KCNQ2: variants seen among roughly 807,000 people sequenced by gnomAD.
KCNQ2 encodes potassium voltage-gated channel subfamily KQT member 2.
A neutral mutation model predicts 84.8 loss-of-function variants in KCNQ2; 14 were observed. The ratio of observed to expected loss-of-function variants is 0.17; its 90% CI spans 0.11 to 0.26. The LOEUF (loss-of-function observed/expected upper bound fraction) is 0.26. Among genes scored for constraint, KCNQ2 ranks in the 10% least tolerant of loss-of-function variants. KCNQ2 has a pLI of 1.00. For missense variants in KCNQ2, 788 were observed against 1,254.0 expected (o/e 0.63, Z 5.61); for synonymous variants, 599 against 554.1 (o/e 1.08, Z -1.14).
intron 15 of KCNQ2, chr20:63,411,160 G>A: frequency 2.7e-6 from 1 of 374,278 alleles, no homozygotes; most frequent in Non-Finnish European, 5.3e-6. Flanking sequence ...GCGCACGCCT[G>A]TGCCGGGCAC....
chr20:63,405,758 C>G lies in KCNQ2; in HGVS notation c.*886G>C, dbSNP rs1367496228. 7.2e-5 allele frequency: 11 copies of G among 152,392 alleles called. No homozygotes were observed. Among genetic ancestry groups the G allele is most frequent in the Admixed American group, 6.5e-4 (10 of 15,288 alleles). 9.4% of individuals were successfully genotyped at this position (152,392 alleles called of 1,614,324 possible). A position where few individuals can be genotyped will look rare whatever the true frequency, so the allele number is the denominator to read the frequency against. On this transcript the variant is annotated 3_prime_UTR_variant, in exon 17 of 17. Coordinates refer to ENST00000359125, the MANE Select transcript of KCNQ2 (RefSeq NM_172107.4). Reference sequence around the variant, plus strand: ...AGGGGAGGACTTGGGGTCCTGCCCCCCCGGTCTCCAAGGCTGGGGTGCTGC... The same window carrying G: ...AGGGGAGGACTTGGGGTCCTGCCCCGCCGGTCTCCAAGGCTGGGGTGCTGC...
At chr20:63,412,792 C>T (rs1315323013) in intron 15 of KCNQ2, among the ~76,000 whole-genome samples, 1 of 152,206 alleles carries the variant, frequency 6.6e-6, no homozygotes, top group Non-Finnish European at 1.5e-5. Context: ...AGGAGCATGT[C>T]CCCTACTGCA....
chr20:63,408,063 G>A lies in KCNQ2; in HGVS notation c.1887+350C>T. Reference sequence around the variant, plus strand: ...GCACCCCCAGAAGACAGCGGCCAGGGTGTCGGGCAAGGAGGACAGAGAGGA... The same window carrying A: ...GCACCCCCAGAAGACAGCGGCCAGGATGTCGGGCAAGGAGGACAGAGAGGA... On this transcript the variant is annotated intron_variant, in intron 16 of 16. Transcript: ENST00000359125. This position sits in a 1 kb window ranked among gnomAD's most constrained non-coding sequence, Gnocchi z 5.0. 1 of 337,114 alleles carries A rather than the reference G, an allele frequency of 3.0e-6. No homozygotes were observed. Among genetic ancestry groups the A allele is most frequent in the South Asian group, 2.9e-5 (1 of 34,978 alleles). The allele number at this position is 337,114 out of a possible 1,614,324, so 20.9% of individuals were successfully genotyped here.
intron 10 of KCNQ2, among the ~76,000 whole-genome samples, chr20:63,427,548 G>T (rs2080669639): frequency 6.6e-6 from 1 of 152,232 alleles, no homozygotes; most frequent in African/African-American, 2.4e-5. Context: ...GGCGGGGCCT[G>T]CTCCCTCCGA....
intron 1 of KCNQ2, among the ~76,000 whole-genome samples, chr20:63,466,880 C>T (rs188577610): frequency 2.0e-5 from 3 of 152,348 alleles, no homozygotes; most frequent in East Asian, 1.9e-4. Context: ...CCACAGACCG[C>T]GCACACACGA....
At chr20:63,439,794 G>C (rs1735934909) in intron 5 of KCNQ2, 86 bp from the exon 6 acceptor site, 1 of 1,007,336 alleles carries the variant, frequency 9.9e-7, no homozygotes, top group Non-Finnish European at 1.6e-6. Flanking sequence ...CTCGGGGCTT[G>C]GGATGGGACA....
chr20:63,443,423 ATCATCACCATCAC>A (rs2145764039), intron 4 of KCNQ2, among the ~76,000 whole-genome samples: 1 of 51,560 alleles, frequency 1.9e-5, no homozygotes, highest in South Asian at 7.9e-4. Flanking sequence ...CATCACCACC[ATCATCACCATCAC>A]CATCACCACC....
chr20:63,434,047 C>T (rs1026318218), intron 7 of KCNQ2, 144 bp from the exon 8 acceptor site: 2 of 672,144 alleles, frequency 3.0e-6, no homozygotes, highest in Admixed American at 2.7e-5. Flanking sequence ...AGGCCAGGCC[C>T]CAGTGCTGCA....
rs541091752 is a variant in KCNQ2, at chr20:63,423,412, GCAC to G, written c.1247+762_1247+764del. 1,255 of 152,354 alleles carry G rather than the reference GCAC, an allele frequency of 8.2e-3. 8 individuals are homozygous for G. The highest frequency in any genetic ancestry group is 0.016 in the Admixed American group (242 of 15,298). The allele number at this position is 152,354 out of a possible 1,614,324, so 9.4% of individuals were successfully genotyped here. On this transcript the variant is annotated intron_variant, in intron 11 of 16. Transcript: ENST00000359125. Reference sequence around the variant, plus strand: ...GGCACAGGGGGCCCAGAGAAGCCTAGCACCTCCTCAGGGTGATGTGTCGGGGGC... The same window carrying G: ...GGCACAGGGGGCCCAGAGAAGCCTAGCTCCTCAGGGTGATGTGTCGGGGGC...
rs953730582 is a variant in KCNQ2 at position 63,430,213 on chromosome 20, C to T, written c.1148+1127G>A. On this transcript the variant is annotated intron_variant, in intron 9 of 16. Transcript: ENST00000359125. ...GCCAGGGCAGGACGGAGCTGTGGGA[C>T]GAGGGTGCAACAAGGGGAGGGGGCG... 6.6e-5 allele frequency among the ~76,000 whole-genome samples: 10 copies of T among 152,168 alleles called. No homozygotes were observed. In the East Asian group the frequency reaches 1.6e-3, roughly 24 times the overall value.
chr20:63,410,046 C>A, intron 15 of KCNQ2: 1 of 271,708 alleles, frequency 3.7e-6, no homozygotes. Flanking sequence ...AGGCTCGCGT[C>A]GGCCACAGTG....
intron 15 of KCNQ2, 104 bp downstream of exon 15, chr20:63,413,346 C>G (rs774115285): frequency 1.4e-6 from 2 of 1,428,672 alleles, no homozygotes; most frequent in Non-Finnish European, 1.9e-6. Flanking sequence ...GGAGGAGGCC[C>G]CGCCCACACA....
chr20:63,456,767 C>G (rs1482401169), intron 1 of KCNQ2, among the ~76,000 whole-genome samples: 1 of 152,238 alleles, frequency 6.6e-6, no homozygotes, highest in Non-Finnish European at 1.5e-5. Flanking sequence ...CGGCCCCCAC[C>G]ATGCACCCCT....
intron 1 of KCNQ2, among the ~76,000 whole-genome samples, chr20:63,454,121 C>T (rs544164075): frequency 1.3e-5 from 2 of 152,294 alleles, no homozygotes; most frequent in African/African-American, 4.8e-5. Flanking sequence ...TCCCAGCAGG[C>T]GTGGACCAGG....
chr20:63,440,958 GT>G (rs1187361914), intron 5 of KCNQ2, among the ~76,000 whole-genome samples: 2 of 150,078 alleles, frequency 1.3e-5, no homozygotes, highest in Non-Finnish European at 3.0e-5. Context: ...AGGAGGCGTG[GT>G]TTTTTGTTTG....
chr20:63,438,864 A>T lies in KCNQ2; in HGVS notation c.928-144T>A. 4 of 607,070 alleles carry T rather than the reference A, an allele frequency of 6.6e-6. No individual in the cohort carries two copies. Among genetic ancestry groups the T allele is most frequent in the Non-Finnish European group, 1.2e-5 (4 of 336,544 alleles). 37.6% of individuals were successfully genotyped at this position (607,070 alleles called of 1,614,324 possible). On this transcript the variant is annotated intron_variant, in intron 6 of 16. Coordinates refer to ENST00000359125, the MANE Select transcript of KCNQ2 (RefSeq NM_172107.4). This position sits in a 1 kb window ranked among gnomAD's most constrained non-coding sequence, Gnocchi z 5.1. Reference sequence around the variant, plus strand: ...CAGAGACTCACACACCCCCCAATTCATCAGGGTCAGACCACGCCCCAGGGA... The same window carrying T: ...CAGAGACTCACACACCCCCCAATTCTTCAGGGTCAGACCACGCCCCAGGGA...
At chr20:63,412,543 C>T (rs1171074529) in intron 15 of KCNQ2, among the ~76,000 whole-genome samples, 1 of 152,220 alleles carries the variant, frequency 6.6e-6, no homozygotes, top group African/African-American at 2.4e-5. Flanking sequence ...GGCCTGGAGG[C>T]GCCCCTTCCC....
intron 1 of KCNQ2, chr20:63,447,937 T>TA (rs2081483064): frequency 6.6e-6 from 1 of 152,102 alleles, no homozygotes; most frequent in South Asian, 2.1e-4. Context: ...TCTCCTCTGA[T>TA]ACAAGCGACT....
intron 10 of KCNQ2, among the ~76,000 whole-genome samples, chr20:63,427,047 C>G (rs2080655199): frequency 6.6e-6 from 1 of 152,124 alleles, no homozygotes; most frequent in African/African-American, 2.4e-5. Context: ...ATGGTGAAAC[C>G]CCATCTCTAC....
Sources: allele counts gnomAD v4.1 joint callset (sites outside exome capture counted in the v4.1 genomes callset), GRCh38; gene constraint gnomAD v4.1.1; non-coding constraint Gnocchi (gnomAD v3.1); transcripts MANE v1.5; gene names NCBI Gene and HGNC (gene_info 2026-07-23, HGNC 2026-07-21).